Variants in CUEDC1 observed in about 807,000 individuals in gnomAD.
CUEDC1 encodes the protein CUE domain containing 1, also known as CUE domain-containing protein 1.
A neutral mutation model predicts 43.7 loss-of-function variants in CUEDC1; 30 were observed. The observed-to-expected ratio is 0.69, with a 90% confidence interval of 0.51 to 0.93. CUEDC1 has a LOEUF of 0.93. Ranked by LOEUF, CUEDC1 falls within the 40% of genes least tolerant of loss-of-function variation. The probability of loss-of-function intolerance (pLI) is 0.00; values close to 1 mark genes in which losing one functional copy is unlikely to be tolerated. For missense variants in CUEDC1, 486 were observed against 549.0 expected, an observed-to-expected ratio of 0.89 and a Z score of 1.15; for synonymous variants, 223 against 223.6, an observed-to-expected ratio of 1.00 and a Z score of 0.02.
At chr17:57,864,683 G>A (rs1413404418) in intron 10 of CUEDC1, among the ~76,000 whole-genome samples, 1 of 152,076 alleles carries the variant, frequency 6.6e-6, no homozygotes, top group Non-Finnish European at 1.5e-5. Flanking sequence ...GACCCTTGGT[G>A]TTTAAGGGGA....
intron 1 of CUEDC1, among the ~76,000 whole-genome samples, chr17:57,925,727 G>A (rs1378970710): frequency 6.6e-6 from 1 of 152,212 alleles, no homozygotes; most frequent in Non-Finnish European, 1.5e-5. Flanking sequence ...GCCTGAATGA[G>A]GGAGAATGGC....
At chr17:57,892,311 G>A (rs1356335219) in intron 1 of CUEDC1, among the ~76,000 whole-genome samples, 1 of 152,196 alleles carries the variant, frequency 6.6e-6, no homozygotes, top group East Asian at 1.9e-4. Context: ...GCCAGTGCCA[G>A]CACCAGGGGG....
At chr17:57,867,455 G>A in intron 8 of CUEDC1, 40 bp from the exon 9 acceptor site, 1 of 1,529,952 alleles carries the variant, frequency 6.5e-7, no homozygotes, top group South Asian at 1.2e-5. Context: ...GGGATGAGGG[G>A]ACACTGCCCT....
At chr17:57,920,100 C>A (rs2143104519) in intron 1 of CUEDC1, among the ~76,000 whole-genome samples, 1 of 152,294 alleles carries the variant, frequency 6.6e-6, no homozygotes, top group Non-Finnish European at 1.5e-5. Context: ...AAGACTTGCT[C>A]AACTCACTCA....
chr17:57,869,318 T>C (rs984675912), intron 6 of CUEDC1, 125 bp from the exon 7 acceptor site: 59 of 784,426 alleles, frequency 7.5e-5, no homozygotes, highest in Admixed American at 4.3e-4. Flanking sequence ...CAGAAGGGAG[T>C]TTAAAGCAAG....
intron 10 of CUEDC1, among the ~76,000 whole-genome samples, chr17:57,864,140 A>G (rs1291539847): frequency 1.3e-5 from 2 of 152,096 alleles, no homozygotes; most frequent in Non-Finnish European, 2.9e-5. Flanking sequence ...CAGGGCTGTG[A>G]CCTAGGTGAT....
At chr17:57,865,523 T>C (rs2073944086) in intron 10 of CUEDC1, among the ~76,000 whole-genome samples, 1 of 152,194 alleles carries the variant, frequency 6.6e-6, no homozygotes, top group South Asian at 2.1e-4. Context: ...ACCAAACAAG[T>C]GGCTGGGGAA....
intron 1 of CUEDC1, among the ~76,000 whole-genome samples, chr17:57,929,415 A>G (rs933874834): frequency 6.6e-5 from 10 of 152,156 alleles, no homozygotes; most frequent in South Asian, 2.1e-4. Flanking sequence ...GGGCCACTAA[A>G]AGTATGTCCA....
chr17:57,926,850 T>C (rs1038655718), intron 1 of CUEDC1, among the ~76,000 whole-genome samples: 18 of 151,900 alleles, frequency 1.2e-4, no homozygotes, highest in Admixed American at 6.5e-5. Context: ...TTCTGGAACA[T>C]AGGAAATGGG....
intron 1 of CUEDC1, among the ~76,000 whole-genome samples, chr17:57,893,007 A>G (rs1483722923): frequency 2.6e-5 from 4 of 152,250 alleles, no homozygotes; most frequent in Non-Finnish European, 5.9e-5. Context: ...ACTGGCATGC[A>G]AGACAAGCCA....
chr17:57,867,606 A>C, intron 8 of CUEDC1, 191 bp from the exon 9 acceptor site: 1 of 599,538 alleles, frequency 1.7e-6, no homozygotes, highest in Non-Finnish European at 3.0e-6. Flanking sequence ...AGGCCCTGAC[A>C]CTCTCGCCCA....
chr17:57,877,209 C>T (rs2074137807), intron 3 of CUEDC1, among the ~76,000 whole-genome samples: 2 of 152,228 alleles, frequency 1.3e-5, no homozygotes, highest in Non-Finnish European at 2.9e-5. Context: ...AAGCCTTGGT[C>T]TGGTGCTGAG....
intron 1 of CUEDC1, among the ~76,000 whole-genome samples, chr17:57,929,111 G>T (rs930441794): frequency 2.0e-5 from 3 of 152,126 alleles, no homozygotes; most frequent in African/African-American, 7.2e-5. Context: ...CTCATTTCCA[G>T]ATGCTCCAAG....
intron 1 of CUEDC1, among the ~76,000 whole-genome samples, chr17:57,902,484 C>T (rs2074483477): frequency 6.6e-6 from 1 of 152,198 alleles, no homozygotes; most frequent in South Asian, 2.1e-4. Context: ...AATTGAGATT[C>T]ATGCTACCTT....
rs1234530854 is a variant in CUEDC1, at chr17:57,861,724, A to C, written c.*1565T>G. 6.6e-6 allele frequency: 1 copy of C among 152,172 alleles called. No homozygotes were observed. The highest frequency in any genetic ancestry group is 1.5e-5 in the Non-Finnish European group (1 of 68,022). The allele number at this position is 152,172 out of a possible 1,614,324, so 9.4% of individuals were successfully genotyped here. A position where few individuals can be genotyped will look rare whatever the true frequency, so the allele number is the denominator to read the frequency against. On this transcript the variant is annotated 3_prime_UTR_variant, in exon 11 of 11. Transcript: ENST00000577830. ...GACATGGGGCTGGGGCTTCCCCCAC[A>C]GTGCGCCGGGTCCTGGCGCGGGGAA...
chr17:57,885,314 A>G lies in CUEDC1; in HGVS notation c.251T>C (p.Leu84Pro). Residue 84 changes from leucine (L) to proline (P), a missense_variant, in exon 2 of 11, where the codon CTG becomes CCG. Physicochemically the swap from Leu to Pro is moderately conservative, Grantham distance 98. Coordinates refer to ENST00000577830, the MANE Select transcript of CUEDC1 (RefSeq NM_001271875.2). ...ACCGCCCTCCAGGTTCATCTGCAGC[A>G]GCTGGTCGATGGTGGCGTCCACAGC... is the stretch of plus-strand genomic sequence containing the variant. ...SGAVDATIDQ[L>P]LQMNLEGGGS... 6.2e-7 allele frequency: 1 copy of G among 1,611,096 alleles called. No homozygotes were observed.
chr17:57,882,346 G>A (rs1470444069), intron 2 of CUEDC1, among the ~76,000 whole-genome samples: 3 of 152,124 alleles, frequency 2.0e-5, no homozygotes, highest in South Asian at 4.1e-4. Context: ...GGTACCGGGA[G>A]GGGGCTCAAT....
rs1281437437 is a variant in CUEDC1, at chr17:57,862,060, G to A, written c.*1229C>T. 1 of 152,212 alleles carries A rather than the reference G, an allele frequency of 6.6e-6. No individual in the cohort carries two copies. The highest frequency in any genetic ancestry group is 1.5e-5 in the Non-Finnish European group (1 of 68,048). The allele number at this position is 152,212 out of a possible 1,614,324, so 9.4% of individuals were successfully genotyped here. On this transcript the variant is annotated 3_prime_UTR_variant, in exon 11 of 11. Transcript: ENST00000577830. ...GATCTTGGGGCCACGGAGGCCACCA[G>A]GGCCCGGCCAAGGATCGGATGCCAC...
chr17:57,866,427 GC>G, intron 10 of CUEDC1, 46 bp downstream of exon 10: 1 of 1,576,354 alleles, frequency 6.3e-7, no homozygotes, highest in African/African-American at 1.3e-5. Context: ...AGTGTGGGGG[GC>G]CCTGGCCTTG....
Sources: gnomAD v4.1 joint callset for allele counts (sites outside exome capture counted in the v4.1 genomes callset) on GRCh38, gnomAD v4.1.1 for gene constraint, MANE v1.5 for transcripts, NCBI Gene and HGNC (gene_info 2026-07-23, HGNC 2026-07-21) for gene names.